The following CCDC3 variants were observed in gnomAD, a reference collection of about 807,000 sequenced individuals.
CCDC3 encodes coiled-coil domain-containing protein 3.
Under a neutral mutation model 21.4 loss-of-function variants are expected in CCDC3, and 24 were observed. The ratio of observed to expected loss-of-function variants is 1.12; its 90% CI spans 0.81 to 1.58. The LOEUF (loss-of-function observed/expected upper bound fraction) is 1.58, where lower values mean the gene tolerates loss of function less well. Ranked by LOEUF, CCDC3 falls within the 40% of genes most tolerant of loss-of-function variation. CCDC3 has a pLI of 0.00. For synonymous variants in CCDC3, 186 were observed against 166.0 expected, an observed-to-expected ratio of 1.12 and a Z score of -0.93; for missense variants, 425 against 360.9, an observed-to-expected ratio of 1.18 and a Z score of -1.44.
chr10:12,950,514 A>C (rs1331460114), intron 2 of CCDC3, among the ~76,000 whole-genome samples: 1 of 152,234 alleles, frequency 6.6e-6, no homozygotes, highest in African/African-American at 2.4e-5. Flanking sequence ...AGATCAGTTC[A>C]GATGCAAAGA....
At chr10:12,924,456 C>T (rs1834502024) in intron 2 of CCDC3, among the ~76,000 whole-genome samples, 1 of 152,174 alleles carries the variant, frequency 6.6e-6, no homozygotes, top group East Asian at 1.9e-4. Flanking sequence ...AACTGTGTTG[C>T]CATGGAAGCC....
chr10:12,987,798 A>T (rs1463362811), intron 2 of CCDC3, among the ~76,000 whole-genome samples: 1 of 152,242 alleles, frequency 6.6e-6, no homozygotes, highest in Non-Finnish European at 1.5e-5. Context: ...TAGTGACAGC[A>T]GTGGTCTGTG....
chr10:13,001,060 G>A (rs1835841371), intron 1 of CCDC3, 137 bp downstream of exon 1: 1 of 1,114,954 alleles, frequency 9.0e-7, no homozygotes, highest in Non-Finnish European at 1.2e-6. Flanking sequence ...AAGAAGGCAA[G>A]GGGTAGGCGC....
At chr10:13,054,161 A>G (rs558585795) in intron 4 of CCDC3, among the ~76,000 whole-genome samples, 3,333 of 151,128 alleles carry the variant, frequency 0.022, 72 homozygotes, top group Non-Finnish European at 0.032. Context: ...TATCAAAAAA[A>G]AAAAAAAAAA....
intron 5 of CCDC3, among the ~76,000 whole-genome samples, chr10:13,015,762 G>A (rs1172352276): frequency 6.6e-6 from 1 of 151,956 alleles, no homozygotes; most frequent in Non-Finnish European, 1.5e-5. Flanking sequence ...CCCCCAACTT[G>A]GGCCACTCCA....
intron 2 of CCDC3, among the ~76,000 whole-genome samples, chr10:12,993,873 T>G (rs1039735058): frequency 6.6e-6 from 1 of 152,144 alleles, no homozygotes; most frequent in Admixed American, 6.5e-5. Context: ...TGGGAGGACT[T>G]TGCTCCCAAG....
At chr10:13,093,234 C>T (rs546038078) in intron 3 of CCDC3, among the ~76,000 whole-genome samples, 16 of 152,034 alleles carry the variant, frequency 1.1e-4, no homozygotes, top group African/African-American at 2.2e-4. Flanking sequence ...TAGCGGAAGG[C>T]GAAAAGCACA....
chr10:13,046,695 G>A (rs1299757979), intron 5 of CCDC3, among the ~76,000 whole-genome samples: 2 of 110,526 alleles, frequency 1.8e-5, no homozygotes, highest in Non-Finnish European at 3.7e-5. Context: ...CAACAAGAGC[G>A]AAACTCCGTC....
At chr10:13,081,137 A>G (rs185979295) in intron 3 of CCDC3, among the ~76,000 whole-genome samples, 151 of 151,848 alleles carry the variant, frequency 9.9e-4, no homozygotes, top group African/African-American at 3.5e-3. Flanking sequence ...AAATTTCTCA[A>G]CAAGAAGACA....
intron 2 of CCDC3, among the ~76,000 whole-genome samples, chr10:12,970,906 G>T (rs533213649): frequency 2.0e-5 from 3 of 150,796 alleles, no homozygotes; most frequent in African/African-American, 4.9e-5. Flanking sequence ...AAAAAAAATT[G>T]TCAGTCTGCA....
At chr10:13,077,648 T>C (rs1836983348) in intron 3 of CCDC3, among the ~76,000 whole-genome samples, 1 of 151,976 alleles carries the variant, frequency 6.6e-6, no homozygotes, top group African/African-American at 2.4e-5. Flanking sequence ...ACAGTACTGG[T>C]ACCAAAACAG....
intron 5 of CCDC3, among the ~76,000 whole-genome samples, chr10:13,021,137 T>C (rs1200963395): frequency 1.3e-5 from 2 of 152,264 alleles, no homozygotes; most frequent in Non-Finnish European, 2.9e-5. Context: ...TGTTATATTA[T>C]AGCTATAAAT....
Position 12,948,231 on chromosome 10 carries a change from C to T in CCDC3, c.550-49552G>A, listed in dbSNP as rs557917954. Among the ~76,000 whole-genome samples the T allele has an allele frequency of 4.6e-5, 7 of 152,272 alleles. No individual in the cohort carries two copies. In the South Asian group the frequency reaches 6.2e-4, roughly 14 times the overall value. ...ATAAGATGTGCCTTTGCTCTTCCTTCGCCTTCCACCATAATTGTGAGGCCT... is the reference window on the plus strand; with the variant it reads ...ATAAGATGTGCCTTTGCTCTTCCTTTGCCTTCCACCATAATTGTGAGGCCT... On this transcript the variant is annotated intron_variant, in intron 2 of 2. Transcript: ENST00000378825.
Position 13,073,352 on chromosome 10 carries a change from T to C in CCDC3, c.-270+516A>G, listed in dbSNP as rs568327830. Among the ~76,000 whole-genome samples the C allele has an allele frequency of 5.4e-5, 8 of 147,868 alleles. No individual in the cohort carries two copies. The East Asian group carries it at 1.6e-3, about 30-fold the overall frequency. ...TTGGAATGTCTCAGGACAGGTGACATAGGACACTGAGCTGGAAGATGCACA... is the reference window on the plus strand; with the variant it reads ...TTGGAATGTCTCAGGACAGGTGACACAGGACACTGAGCTGGAAGATGCACA... On this transcript the variant is annotated intron_variant, in intron 4 of 6. Coordinates refer to the CCDC3 transcript ENST00000378839.
chr10:12,990,096 C>CA (rs1175374574), intron 2 of CCDC3, among the ~76,000 whole-genome samples: 2 of 151,906 alleles, frequency 1.3e-5, no homozygotes, highest in Admixed American at 6.6e-5. Flanking sequence ...ACTAAAAATA[C>CA]AAAAAATTAG....
rs553598026 is a variant in CCDC3 at position 13,033,916 on chromosome 10, C to T, written c.-2+15758G>A. On this transcript the variant is annotated intron_variant, in intron 5 of 6. Transcript: ENST00000378839. ...GTGGGACTGTAAACTAGTTCAACCACTGTGGAAGACAGTGTGGCTATTCTG... is the reference window on the plus strand; with the variant it reads ...GTGGGACTGTAAACTAGTTCAACCATTGTGGAAGACAGTGTGGCTATTCTG... Among the ~76,000 whole-genome samples, 22 of 152,276 alleles carry T rather than the reference C, an allele frequency of 1.4e-4. No homozygotes were observed. The South Asian group carries it at 3.3e-3, about 23-fold the overall frequency.
At chr10:12,908,612 C>CTT (rs764071462) in intron 2 of CCDC3, among the ~76,000 whole-genome samples, 2,030 of 139,304 alleles carry the variant, frequency 0.015, 50 homozygotes, top group African/African-American at 0.041. Context: ...TGTGATTTTT[C>CTT]TTTTTTTTTT....
intron 2 of CCDC3, among the ~76,000 whole-genome samples, chr10:12,959,974 C>T (rs367576391): frequency 2.6e-5 from 4 of 152,194 alleles, no homozygotes; most frequent in East Asian, 1.9e-4. Context: ...GCCAACATGG[C>T]GAAACCCCGT....
intron 2 of CCDC3, among the ~76,000 whole-genome samples, chr10:12,998,054 G>C (rs1300879797): frequency 6.6e-6 from 1 of 152,186 alleles, no homozygotes; most frequent in African/African-American, 2.4e-5. Flanking sequence ...TTCTGTAGAA[G>C]AGGAAACTGA....
Sources: gnomAD v4.1 joint callset for allele counts (sites outside exome capture counted in the v4.1 genomes callset) on GRCh38, gnomAD v4.1.1 for gene constraint, MANE v1.5 for transcripts, NCBI Gene and HGNC (gene_info 2026-07-23, HGNC 2026-07-21) for gene names.